Variants in CAST observed in about 807,000 individuals in gnomAD.
The protein encoded by CAST is MIR583 host.
A neutral mutation model predicts 119.6 loss-of-function variants in CAST; 76 were observed. The observed-to-expected ratio is 0.64, with a 90% CI of 0.53 to 0.77. The LOEUF is 0.77. CAST is among the 30% of genes least tolerant of loss of function. The probability of loss-of-function intolerance (pLI) is 0.00; values close to 1 mark genes in which losing one functional copy is unlikely to be tolerated. For missense variants in CAST, 953 were observed against 946.5 expected, an observed-to-expected ratio of 1.01 and a Z score of -0.09; for synonymous variants, 319 against 331.6, an observed-to-expected ratio of 0.96 and a Z score of 0.41.
At chr5:96,399,824 GA>G in the CAST span, 1 of 732,562 alleles carries the variant, frequency 1.4e-6, no homozygotes, top group African/African-American at 1.7e-5. Context: ...TACCCACAGA[GA>G]ACACTAGAAA....
At chr5:96,471,191 A>T in the CAST span, among the ~76,000 whole-genome samples, 1 of 152,046 alleles carries the variant, frequency 6.6e-6, no homozygotes, top group Non-Finnish European at 1.5e-5. Context: ...TAGCTCCCAG[A>T]CTCATATTCT....
At chr5:96,457,425 C>A in the CAST span, among the ~76,000 whole-genome samples, 1 of 152,184 alleles carries the variant, frequency 6.6e-6, no homozygotes, top group Non-Finnish European at 1.5e-5. Context: ...TCAAAACTCT[C>A]CAATAACTTT....
At chr5:95,991,551 G>C in the CAST span, among the ~76,000 whole-genome samples, 1 of 137,288 alleles carries the variant, frequency 7.3e-6, no homozygotes, top group Non-Finnish European at 1.5e-5. Context: ...TGTCACCCAG[G>C]CTAGAGTGTA....
the CAST span, among the ~76,000 whole-genome samples, chr5:96,223,047 A>C: frequency 6.6e-6 from 1 of 152,150 alleles, no homozygotes; most frequent in Non-Finnish European, 1.5e-5. Context: ...CATATCACTC[A>C]TATGTGGAAG....
the CAST span, among the ~76,000 whole-genome samples, chr5:96,515,735 A>C: frequency 6.6e-6 from 1 of 152,134 alleles, no homozygotes; most frequent in African/African-American, 2.4e-5. Flanking sequence ...GAAAAGCCAG[A>C]GCATTTCTTC....
chr5:96,556,947 G>A (rs1169859591), intron 1 of CAST, among the ~76,000 whole-genome samples: 1 of 152,072 alleles, frequency 6.6e-6, no homozygotes, highest in Non-Finnish European at 1.5e-5. Flanking sequence ...AAATGTTAAG[G>A]GCAGCCAGAG....
chr5:96,013,933 A>T, the CAST span, among the ~76,000 whole-genome samples: 1 of 152,124 alleles, frequency 6.6e-6, no homozygotes, highest in Non-Finnish European at 1.5e-5. Context: ...CTTTACAAAC[A>T]CTGTACATTT....
the CAST span, among the ~76,000 whole-genome samples, chr5:96,202,403 T>G: frequency 1.3e-5 from 2 of 152,094 alleles, no homozygotes; most frequent in African/African-American, 4.8e-5. Flanking sequence ...TTATTCAACA[T>G]TATATAAAAT....
chr5:96,550,112 T>C lies in CAST; in HGVS notation c.60+20232T>C, dbSNP rs538070520. Among the ~76,000 whole-genome samples, 5 of 152,290 alleles carry C rather than the reference T, an allele frequency of 3.3e-5. No homozygotes were observed. In the South Asian group the frequency reaches 1.0e-3, roughly 32 times the overall value. On this transcript the variant is annotated intron_variant, in intron 1 of 11. Transcript: ENST00000505143. ...TGGTCAGACTGCCTCCTCAAGTGGGTCCCTGACCCCCGTGTAGCCTGACTG... is the reference window on the plus strand; with the variant it reads ...TGGTCAGACTGCCTCCTCAAGTGGGCCCCTGACCCCCGTGTAGCCTGACTG...
At chr5:96,486,131 C>T in the CAST span, among the ~76,000 whole-genome samples, 1 of 152,034 alleles carries the variant, frequency 6.6e-6, no homozygotes, top group African/African-American at 2.4e-5. Flanking sequence ...TAATAATAGA[C>T]AATGTGTTCA....
At chr5:96,402,970 G>T in the CAST span, among the ~76,000 whole-genome samples, 85 of 152,234 alleles carry the variant, frequency 5.6e-4, no homozygotes, top group Non-Finnish European at 1.1e-3. Context: ...AGGAGTTTTA[G>T]GTAAAAGCCT....
chr5:96,129,218 T>C, the CAST span, among the ~76,000 whole-genome samples: 6 of 152,296 alleles, frequency 3.9e-5, no homozygotes, highest in African/African-American at 1.4e-4. Context: ...TCATTCTTAA[T>C]ATCCCCCAAG....
chr5:96,378,298 T>G, the CAST span, among the ~76,000 whole-genome samples: 1 of 152,124 alleles, frequency 6.6e-6, no homozygotes, highest in Admixed American at 6.6e-5. Context: ...ATACTTTACA[T>G]TTTTTAAGCA....
chr5:96,310,508 A>T, the CAST span, among the ~76,000 whole-genome samples: 9 of 151,356 alleles, frequency 5.9e-5, no homozygotes, highest in Non-Finnish European at 1.0e-4. Flanking sequence ...AATTGACATT[A>T]GTTATTCTTT....
chr5:96,239,821 C>T, the CAST span, among the ~76,000 whole-genome samples: 57 of 151,906 alleles, frequency 3.8e-4, no homozygotes, highest in Non-Finnish European at 1.0e-4. Context: ...TTCTTCACAT[C>T]ACTAGTTTTA....
chr5:96,693,845 T>C (rs1357339075), intron 2 of CAST, among the ~76,000 whole-genome samples: 2 of 152,256 alleles, frequency 1.3e-5, no homozygotes, highest in Admixed American at 1.3e-4. Flanking sequence ...CAGCCTCTTT[T>C]GTTTTTATCA....
At chr5:96,130,785 CAA>C in the CAST span, among the ~76,000 whole-genome samples, 6 of 151,790 alleles carry the variant, frequency 4.0e-5, no homozygotes, top group Admixed American at 3.9e-4. Context: ...ACCAACAAAC[CAA>C]AAGAAGATAC....
the CAST span, among the ~76,000 whole-genome samples, chr5:96,452,952 G>A: frequency 6.9e-3 from 148 of 21,332 alleles, 1 homozygote; most frequent in Admixed American, 0.039. Context: ...GCGAGACTCC[G>A]TCTCAAAAAA....
chr5:96,503,004 A>G, the CAST span, among the ~76,000 whole-genome samples: 1 of 152,044 alleles, frequency 6.6e-6, no homozygotes, highest in Non-Finnish European at 1.5e-5. Context: ...GTCTTTTCTG[A>G]TTTCTTTTTA....
Sources: allele counts gnomAD v4.1 joint callset (sites outside exome capture counted in the v4.1 genomes callset), GRCh38; gene constraint gnomAD v4.1.1; transcripts MANE v1.5; gene names NCBI Gene and HGNC (gene_info 2026-07-23, HGNC 2026-07-21).